TRIM36: variants seen among roughly 807,000 people sequenced by gnomAD.
TRIM36 encodes tripartite motif containing 36.
In TRIM36, 42 loss-of-function variants were observed where a neutral mutation model predicts 72.4. The ratio of observed to expected loss-of-function variants is 0.58; its 90% confidence interval spans 0.45 to 0.75. The LOEUF (loss-of-function observed/expected upper bound fraction) is 0.75. Ranked by LOEUF, TRIM36 falls within the 30% of genes least tolerant of loss-of-function variation. TRIM36 has a pLI of 0.00. For missense variants in TRIM36, 913 were observed against 857.1 expected, an observed-to-expected ratio of 1.07 and a Z score of -0.81; for synonymous variants, 315 against 282.8, an observed-to-expected ratio of 1.11 and a Z score of -1.14.
Position 115,177,806 on chromosome 5 carries a change from G to A in TRIM36, c.63+2169C>T, listed in dbSNP as rs575055599. On this transcript the variant is annotated intron_variant, in intron 1 of 9. Coordinates refer to the TRIM36 transcript ENST00000282369. The stretch of plus-strand genomic sequence containing the variant: ...ACCTCAGAGATTTCAAAGGGACAGC[G>A]GGCCTCTCCACCTTTAGAAGTCAAC... 1.3e-5 allele frequency: 21 copies of A among 1,614,130 alleles called. No individual in the cohort carries two copies. The East Asian group carries it at 3.6e-4, about 27-fold the overall frequency.
chr5:115,132,588 G>T (rs2112778848), intron 8 of TRIM36, among the ~76,000 whole-genome samples: 1 of 149,148 alleles, frequency 6.7e-6, no homozygotes, highest in Non-Finnish European at 1.5e-5. Context: ...GCAAACTACA[G>T]CCATTACCCA....
At chr5:115,170,453 C>T (rs1209067501), upstream of TRIM36, among the ~76,000 whole-genome samples, 1 of 152,118 alleles carries the variant, frequency 6.6e-6, no homozygotes, top group Non-Finnish European at 1.5e-5. Context: ...CCGCGGCGAG[C>T]ACGGCAGAGC....
upstream of TRIM36, among the ~76,000 whole-genome samples, chr5:115,174,508 A>C (rs538562409): frequency 6.6e-6 from 1 of 152,184 alleles, no homozygotes; most frequent in African/African-American, 2.4e-5. Flanking sequence ...TTGTCTATCA[A>C]TTATTGACTC....
At chr5:115,178,923 T>C (rs1755471816) in intron 1 of TRIM36, among the ~76,000 whole-genome samples, 1 of 152,116 alleles carries the variant, frequency 6.6e-6, no homozygotes, top group Non-Finnish European at 1.5e-5. Context: ...AACTACTCCA[T>C]ATGCTATATC....
intron 8 of TRIM36, among the ~76,000 whole-genome samples, chr5:115,132,818 T>C (rs865985737): frequency 2.6e-5 from 4 of 152,330 alleles, no homozygotes; most frequent in African/African-American, 9.6e-5. Flanking sequence ...CAGGTTTTTC[T>C]TCCACTTTCA....
chr5:115,176,057 G>A (rs532061325), intron 1 of TRIM36, among the ~76,000 whole-genome samples: 1 of 152,112 alleles, frequency 6.6e-6, no homozygotes, highest in South Asian at 2.1e-4. Context: ...ACCCAGAAGT[G>A]AAGGTTGCAG....
At chr5:115,155,968 A>G (rs1754157116) in intron 2 of TRIM36, among the ~76,000 whole-genome samples, 1 of 152,210 alleles carries the variant, frequency 6.6e-6, no homozygotes, top group Non-Finnish European at 1.5e-5. Context: ...TCAGGATACA[A>G]TACTAATGTA....
At chr5:115,165,128 C>G (rs760159308) in intron 1 of TRIM36, among the ~76,000 whole-genome samples, 2 of 152,186 alleles carry the variant, frequency 1.3e-5, no homozygotes, top group Non-Finnish European at 2.9e-5. Flanking sequence ...AGGGTACAGC[C>G]CACACACCAC....
intron 1 of TRIM36, chr5:115,177,694 C>T (rs1350031812): frequency 6.2e-7 from 1 of 1,613,010 alleles, no homozygotes; most frequent in East Asian, 2.2e-5. Context: ...GGTTAGGAGC[C>T]TACTCCAGAC....
intron 5 of TRIM36, among the ~76,000 whole-genome samples, chr5:115,138,843 T>C (rs1753114028): frequency 6.6e-6 from 1 of 151,910 alleles, no homozygotes. Context: ...TGAGACAGAG[T>C]CTCGCTCTGT....
upstream of TRIM36, chr5:115,171,154 C>A (rs1484064987): frequency 3.1e-6 from 5 of 1,614,162 alleles, no homozygotes; most frequent in East Asian, 2.2e-5. Flanking sequence ...AGAAGTCTGT[C>A]GCTGTGGCAA....
chr5:115,158,541 G>C (rs1032064322), intron 2 of TRIM36, among the ~76,000 whole-genome samples: 9 of 152,162 alleles, frequency 5.9e-5, no homozygotes, highest in Admixed American at 6.5e-5. Flanking sequence ...GCTATCCCTG[G>C]ACAGTTCATG....
chr5:115,138,487 T>C (rs1232642445), intron 5 of TRIM36, among the ~76,000 whole-genome samples: 7 of 152,202 alleles, frequency 4.6e-5, no homozygotes, highest in Non-Finnish European at 8.8e-5. Flanking sequence ...TTAATATAAT[T>C]ATAATTAAAT....
rs1755551206 is a variant in TRIM36, at chr5:115,180,095, T to C, written c.-58A>G. 2.6e-6 allele frequency: 4 copies of C among 1,541,874 alleles called. No individual in the cohort carries two copies. The South Asian group carries it at 3.4e-5, about 13-fold the overall frequency. On this transcript the variant is annotated 5_prime_UTR_variant, in exon 1 of 10. Transcript: ENST00000282369. ...ACGCGGGTGTATCGAATTTGTCCTT[T>C]CTTTTCTCTTTTTCTGTTTTTAGTC...
intron 2 of TRIM36, among the ~76,000 whole-genome samples, chr5:115,152,764 A>G (rs1323888129): frequency 2.0e-5 from 3 of 152,186 alleles, no homozygotes; most frequent in Non-Finnish European, 4.4e-5. Context: ...AGCAAAACTA[A>G]GCTTCACTTG....
intron 4 of TRIM36, among the ~76,000 whole-genome samples, chr5:115,141,625 C>T (rs888545844): frequency 6.6e-6 from 1 of 152,110 alleles, no homozygotes; most frequent in Non-Finnish European, 1.5e-5. Flanking sequence ...TTAAATTAGT[C>T]AAAACTTCTG....
Position 115,126,454 on chromosome 5 carries a change from G to T in TRIM36, c.*49C>A, listed in dbSNP as rs761020821. 4.2e-5 allele frequency: 61 copies of T among 1,457,388 alleles called. No individual in the cohort carries two copies. Among genetic ancestry groups the T allele is most frequent in the Non-Finnish European group, 5.4e-5 (57 of 1,059,080 alleles). The allele number at this position is 1,457,388 out of a possible 1,614,324, so 90.3% of individuals were successfully genotyped here. A position where few individuals can be genotyped will look rare whatever the true frequency, so the allele number is the denominator to read the frequency against. Reference sequence around the variant, plus strand: ...ATTAGTTACGAAGGTTAACGCTAAGGCATTGCTTTGTTTACAGTTTTTATC... The same window carrying T: ...ATTAGTTACGAAGGTTAACGCTAAGTCATTGCTTTGTTTACAGTTTTTATC... On this transcript the variant is annotated 3_prime_UTR_variant, in exon 10 of 10. Coordinates refer to ENST00000513154, the MANE Select transcript of TRIM36 (RefSeq NM_001300759.2).
Position 115,169,617 on chromosome 5 carries a change from T to C in TRIM36, c.18A>G (p.Ser6=). MEGDG[S]DSPVTIKNIE... ...TCCCCTCCGCACTCACCGGCGAATCTGAGCCATCGCCCTCCATGGCTGCCT... is the reference window on the plus strand; with the variant it reads ...TCCCCTCCGCACTCACCGGCGAATCCGAGCCATCGCCCTCCATGGCTGCCT... Residue 6 remains serine (S), a synonymous_variant, in exon 1 of 10, where the codon TCA becomes TCG. Coordinates refer to ENST00000513154, the MANE Select transcript of TRIM36 (RefSeq NM_001300759.2). 1 of 1,523,396 alleles carries C rather than the reference T, an allele frequency of 6.6e-7. No individual in the cohort carries two copies. The highest frequency in any genetic ancestry group is 2.5e-5 in the East Asian group (1 of 40,244). 94.4% of individuals were successfully genotyped at this position (1,523,396 alleles called of 1,614,324 possible).
At chr5:115,178,565 A>G (rs1011662256) in intron 1 of TRIM36, among the ~76,000 whole-genome samples, 1 of 152,154 alleles carries the variant, frequency 6.6e-6, no homozygotes, top group Non-Finnish European at 1.5e-5. Flanking sequence ...CTAGGCCCGA[A>G]GGGTGGTCAA....
Sources: gnomAD v4.1 joint callset for allele counts (sites outside exome capture counted in the v4.1 genomes callset) on GRCh38, gnomAD v4.1.1 for gene constraint, MANE v1.5 for transcripts, NCBI Gene and HGNC (gene_info 2026-07-23, HGNC 2026-07-21) for gene names.